Variants in RIMKLB observed in about 807,000 individuals in gnomAD.
The protein encoded by RIMKLB is beta-citrylglutamate synthase B.
Under a neutral mutation model 32.0 loss-of-function variants are expected in RIMKLB, and 7 were observed. The observed-to-expected ratio is 0.22, with a 90% CI of 0.12 to 0.41. The LOEUF (loss-of-function observed/expected upper bound fraction) is 0.41, where lower values mean the gene tolerates loss of function less well. Among genes scored for constraint, RIMKLB ranks in the 10% least tolerant of loss-of-function variants. The probability of loss-of-function intolerance (pLI) is 1.00; values close to 1 mark genes in which losing one functional copy is unlikely to be tolerated. For missense variants in RIMKLB, 289 were observed against 498.7 expected, an observed-to-expected ratio of 0.58 and a Z score of 4.00; for synonymous variants, 172 against 185.1, an observed-to-expected ratio of 0.93 and a Z score of 0.57.
chr12:8,689,493 C>T (rs1424558311), intron 1 of RIMKLB, among the ~76,000 whole-genome samples: 1 of 152,204 alleles, frequency 6.6e-6, no homozygotes, highest in African/African-American at 2.4e-5. Flanking sequence ...AATTATATTT[C>T]TAACACTACT....
chr12:8,757,067 T>C (rs973149708), intron 5 of RIMKLB, among the ~76,000 whole-genome samples: 2 of 152,310 alleles, frequency 1.3e-5, no homozygotes, highest in Middle Eastern at 3.4e-3. Context: ...TAACACGTCC[T>C]GCTGACTAGC....
At chr12:8,746,443 A>G (rs923333725) in intron 2 of RIMKLB, among the ~76,000 whole-genome samples, 3 of 151,386 alleles carry the variant, frequency 2.0e-5, no homozygotes, top group Admixed American at 6.6e-5. Context: ...TAAAAAATAC[A>G]AACAAGTAGC....
chr12:8,672,173 C>T, the RIMKLB span, among the ~76,000 whole-genome samples: 24 of 152,316 alleles, frequency 1.6e-4, no homozygotes, highest in Non-Finnish European at 2.4e-4. Flanking sequence ...ATTTTATTGT[C>T]CATATTGCTG....
At chr12:8,672,429 T>A in the RIMKLB span, among the ~76,000 whole-genome samples, 1 of 152,186 alleles carries the variant, frequency 6.6e-6, no homozygotes, top group South Asian at 2.1e-4. Flanking sequence ...AAAAGAGGTT[T>A]AATTGAACTT....
At chr12:8,690,033 C>A (rs566686489) in intron 1 of RIMKLB, among the ~76,000 whole-genome samples, 43 of 152,176 alleles carry the variant, frequency 2.8e-4, no homozygotes, top group Non-Finnish European at 6.0e-4. Context: ...GCCATGTTTT[C>A]TCCACTAAAC....
the RIMKLB span, among the ~76,000 whole-genome samples, chr12:8,670,026 C>CAAAAA: frequency 5.4e-4 from 20 of 36,904 alleles, no homozygotes; most frequent in African/African-American, 1.9e-3. Flanking sequence ...GACTCCGTCT[C>CAAAAA]AAAAAAAAAA....
intron 2 of RIMKLB, among the ~76,000 whole-genome samples, chr12:8,732,756 T>TACACACACACACACACACACACACACAC (rs775849283): frequency 6.7e-6 from 1 of 150,048 alleles, no homozygotes; most frequent in African/African-American, 2.5e-5. Flanking sequence ...TATATATATA[T>TACACACACACACACACACACACACACAC]ACACACACAC....
chr12:8,715,697 A>G (rs1490909673), intron 2 of RIMKLB, among the ~76,000 whole-genome samples: 1 of 152,202 alleles, frequency 6.6e-6, no homozygotes, highest in East Asian at 1.9e-4. Flanking sequence ...TTATTTGAGC[A>G]TTTACTATGT....
chr12:8,715,531 T>C (rs1295780575), intron 2 of RIMKLB, among the ~76,000 whole-genome samples: 1 of 152,136 alleles, frequency 6.6e-6, no homozygotes, highest in Non-Finnish European at 1.5e-5. Context: ...CCTACTCTTG[T>C]TCTCTTGAAT....
chr12:8,777,162 A>G lies in RIMKLB; in HGVS notation c.*3378A>G. 1.0e-6 allele frequency: 1 copy of G among 980,096 alleles called. No homozygotes were observed. Among genetic ancestry groups the G allele is most frequent in the Non-Finnish European group, 1.2e-6 (1 of 827,754 alleles). The allele number at this position is 980,096 out of a possible 1,614,324, so 60.7% of individuals were successfully genotyped here. A position where few individuals can be genotyped will look rare whatever the true frequency, so the allele number is the denominator to read the frequency against. ...TTTTGTTGTACTAGGATTTTAAAAA[A>G]TGTAATATATTGCAGGATTTATAAC... On this transcript the variant is annotated 3_prime_UTR_variant, in exon 6 of 6. Transcript: ENST00000535829.
chr12:8,736,226 T>C (rs1429789882), intron 2 of RIMKLB, among the ~76,000 whole-genome samples: 1 of 152,210 alleles, frequency 6.6e-6, no homozygotes, highest in Non-Finnish European at 1.5e-5. Flanking sequence ...TTGAAAATTA[T>C]TTTCTTTTTA....
downstream of RIMKLB, among the ~76,000 whole-genome samples, chr12:8,781,957 A>AT (rs1233131122): frequency 3.3e-5 from 5 of 151,206 alleles, no homozygotes; most frequent in Admixed American, 3.3e-4. Context: ...CAAGCTGTGT[A>AT]TGATCAGTTG....
At chr12:8,766,853 T>C (rs1484180920) in intron 5 of RIMKLB, among the ~76,000 whole-genome samples, 2 of 152,394 alleles carry the variant, frequency 1.3e-5, no homozygotes, top group East Asian at 1.9e-4. Flanking sequence ...ACTTTAAGAT[T>C]TGAGTTAGTA....
At chr12:8,760,573 A>G (rs910803140) in intron 5 of RIMKLB, among the ~76,000 whole-genome samples, 7 of 152,176 alleles carry the variant, frequency 4.6e-5, no homozygotes, top group East Asian at 1.9e-4. Flanking sequence ...GTGTAAAAGC[A>G]TTCCTATTTC....
chr12:8,779,718 C>T (rs1256183338), downstream of RIMKLB: 1 of 151,784 alleles, frequency 6.6e-6, no homozygotes, highest in African/African-American at 2.4e-5. Flanking sequence ...GGAGACTGTC[C>T]CTTAATAGCT....
In RIMKLB at chr12:8,742,732, T is replaced by C. The variant is rs780884258; in HGVS notation, c.176-7130T>C. 11 of 231,666 alleles carry C rather than the reference T, an allele frequency of 4.7e-5. No homozygotes were observed. In the South Asian group the frequency reaches 6.9e-4, roughly 15 times the overall value. The allele number at this position is 231,666 out of a possible 1,614,324, so 14.4% of individuals were successfully genotyped here. ...CCACCACTGGAGCCACTCCTGTTGC[T>C]GGTTGCTTGACTCTTGGAACCTTCA... On this transcript the variant is annotated intron_variant, in intron 2 of 5. Transcript: ENST00000535829.
At chr12:8,719,849 G>C (rs1945262290) in intron 2 of RIMKLB, among the ~76,000 whole-genome samples, 1 of 152,202 alleles carries the variant, frequency 6.6e-6, no homozygotes, top group Non-Finnish European at 1.5e-5. Context: ...CAATGTACAA[G>C]GTTGTGGATA....
intron 2 of RIMKLB, among the ~76,000 whole-genome samples, chr12:8,736,536 T>TTTTTG (rs1947022282): frequency 6.8e-6 from 1 of 146,684 alleles, no homozygotes. Context: ...TTTTTTTTTT[T>TTTTTG]GACGGGTCTT....
chr12:8,673,130 C>T, the RIMKLB span, among the ~76,000 whole-genome samples: 2 of 152,134 alleles, frequency 1.3e-5, no homozygotes, highest in Non-Finnish European at 2.9e-5. Flanking sequence ...GATCTACCTG[C>T]CTTGGCCTCC....
Sources: gnomAD v4.1 joint callset for allele counts (sites outside exome capture counted in the v4.1 genomes callset) on GRCh38, gnomAD v4.1.1 for gene constraint, MANE v1.5 for transcripts, NCBI Gene and HGNC (gene_info 2026-07-23, HGNC 2026-07-21) for gene names.